Variants in DDHD1 observed in about 807,000 individuals in gnomAD.
DDHD1 encodes the protein DDHD domain containing 1.
DDHD1 carries 49 observed loss-of-function variants against 96.4 expected under a neutral mutation model. That is an observed-to-expected ratio of 0.51 (90% CI 0.40 to 0.64). The LOEUF (loss-of-function observed/expected upper bound fraction) is 0.64. Ranked by LOEUF, DDHD1 falls within the 30% of genes least tolerant of loss-of-function variation. The pLI is 0.00. For missense variants in DDHD1, 1,106 were observed against 1,161.2 expected (o/e 0.95, Z 0.69); for synonymous variants, 442 against 446.5 (o/e 0.99, Z 0.13).
At chr14:53,077,293 T>C (rs959510883) in intron 4 of DDHD1, among the ~76,000 whole-genome samples, 24 of 152,204 alleles carry the variant, frequency 1.6e-4, no homozygotes, top group African/African-American at 5.8e-4. Flanking sequence ...TAGTTTATCA[T>C]GGTGGCAAAA....
At chr14:53,110,875 C>A (rs1368215009) in intron 1 of DDHD1, among the ~76,000 whole-genome samples, 1 of 152,120 alleles carries the variant, frequency 6.6e-6, no homozygotes, top group African/African-American at 2.4e-5. Flanking sequence ...ACTCAGGAGG[C>A]TGAGGCAGAA....
chr14:53,117,374 G>A (rs1364897982), intron 1 of DDHD1, among the ~76,000 whole-genome samples: 1 of 152,190 alleles, frequency 6.6e-6, no homozygotes, highest in Admixed American at 6.5e-5. Context: ...AGGGTCAGGG[G>A]ATTTCCCTTT....
At chr14:53,147,058 C>T (rs1218937068) in intron 1 of DDHD1, among the ~76,000 whole-genome samples, 1 of 151,944 alleles carries the variant, frequency 6.6e-6, no homozygotes. Flanking sequence ...TTCCCAATCT[C>T]TTTTGCCAAT....
chr14:53,104,057 A>G lies in DDHD1; in HGVS notation c.839-201T>C, dbSNP rs10134722. The stretch of plus-strand genomic sequence containing the variant: ...TCTGTTGCCCAGGATAGAGTGCAGT[A>G]GTGTGACCACAGCTCACTGCAGCCT... On this transcript the variant is annotated intron_variant, in intron 1 of 12. Transcript: ENST00000673822. 0.044 allele frequency among the ~76,000 whole-genome samples: 6,658 copies of G among 152,226 alleles called. 525 individuals are homozygous for G. The highest frequency in any genetic ancestry group is 0.15 in the African/African-American group (6,216 of 41,490).
intron 10 of DDHD1, among the ~76,000 whole-genome samples, chr14:53,055,423 T>A (rs748634991): frequency 2.6e-5 from 4 of 152,234 alleles, no homozygotes; most frequent in Non-Finnish European, 5.9e-5. Flanking sequence ...TTGATTCTCA[T>A]AACAGCTTTT....
intron 1 of DDHD1, among the ~76,000 whole-genome samples, chr14:53,134,620 ACT>A (rs1890099992): frequency 6.6e-6 from 1 of 150,494 alleles, no homozygotes; most frequent in African/African-American, 2.4e-5. Context: ...AAAAGAGCAG[ACT>A]CTATATTTTT....
chr14:53,113,134 AT>A lies in DDHD1; in HGVS notation c.839-9279del, dbSNP rs78231425. 2.9e-3 allele frequency among the ~76,000 whole-genome samples: 413 copies of A among 140,986 alleles called. 2 individuals are homozygous for A. Among genetic ancestry groups the A allele is most frequent in the East Asian group, 0.024 (117 of 4,868 alleles). 92.5% of individuals were successfully genotyped at this position (140,986 alleles called of 152,430 possible). ...ACCACCACACCTGGCTAACTTTTCT[AT>A]TTTTTTTTTTTAGTAGTTTCAGGGT... On this transcript the variant is annotated intron_variant, in intron 1 of 12. Coordinates refer to ENST00000673822, the MANE Select transcript of DDHD1 (RefSeq NM_001160148.2).
chr14:53,074,436 C>T (rs1441550152), intron 4 of DDHD1, among the ~76,000 whole-genome samples: 1 of 151,578 alleles, frequency 6.6e-6, no homozygotes, highest in Non-Finnish European at 1.5e-5. Context: ...AAAAGCAAAT[C>T]CTAGATATTG....
At chr14:53,099,831 G>A (rs958037706) in intron 2 of DDHD1, among the ~76,000 whole-genome samples, 2 of 152,074 alleles carry the variant, frequency 1.3e-5, no homozygotes, top group Non-Finnish European at 2.9e-5. Flanking sequence ...CTCTCACAGA[G>A]AACTAAATTT....
At chr14:53,090,077 A>G (rs916570070) in intron 4 of DDHD1, among the ~76,000 whole-genome samples, 3 of 152,242 alleles carry the variant, frequency 2.0e-5, no homozygotes, top group Non-Finnish European at 4.4e-5. Flanking sequence ...ATGAAGAGAC[A>G]CTTCTCAAAA....
chr14:53,062,979 C>T lies in DDHD1; in HGVS notation c.1730G>A (p.Arg577Gln), dbSNP rs772696105. 5.6e-6 allele frequency: 9 copies of T among 1,612,536 alleles called. No individual in the cohort carries two copies. The highest frequency in any genetic ancestry group is 5.5e-5 in the South Asian group (5 of 91,054). ...PDERWMSYEE[R>Q]HLLDELYITK... ...TATATAGAGTTCATCAAGAAGATGT[C>T]GTTCTTCATAGCTCATCCATCGTTC... The change falls in exon 7 of 13, where the codon CGA (arginine) becomes CAA (glutamine). Residue 577 changes from arginine (R) to glutamine (Q), a missense_variant. Physicochemically the swap from Arg to Gln is conservative, Grantham distance 43. This residue lies in a region of DDHD1 where 650 missense variants were observed against 758.8 expected (regional missense o/e 0.86). Transcript: ENST00000673822.
intron 4 of DDHD1, among the ~76,000 whole-genome samples, chr14:53,074,745 T>C (rs112033227): frequency 2.6e-5 from 4 of 152,166 alleles, no homozygotes; most frequent in African/African-American, 9.6e-5. Flanking sequence ...CCTGTTTTAC[T>C]GCATTCATTT....
intron 1 of DDHD1, among the ~76,000 whole-genome samples, chr14:53,143,704 T>C (rs1483219592): frequency 6.6e-6 from 1 of 152,248 alleles, no homozygotes. Context: ...GAACAGGCTA[T>C]GACTTAATGC....
intron 11 of DDHD1, chr14:53,052,952 T>C (rs1375554369): frequency 6.8e-6 from 1 of 147,192 alleles, no homozygotes; most frequent in Non-Finnish European, 1.5e-5. Flanking sequence ...GTTTCTCTAT[T>C]ATTTTGAAAT....
At chr14:53,131,065 A>G (rs1889829884) in intron 1 of DDHD1, among the ~76,000 whole-genome samples, 1 of 151,974 alleles carries the variant, frequency 6.6e-6, no homozygotes, top group Non-Finnish European at 1.5e-5. Flanking sequence ...AAACCTCTTA[A>G]AACTCCCCAA....
chr14:53,103,279 A>G (rs1178093703), intron 2 of DDHD1: 1 of 397,528 alleles, frequency 2.5e-6, no homozygotes, highest in Non-Finnish European at 4.4e-6. Flanking sequence ...ACACAAAGAT[A>G]ATTAAAGATT....
At chr14:53,114,322 C>G (rs754983997) in intron 1 of DDHD1, among the ~76,000 whole-genome samples, 1 of 152,216 alleles carries the variant, frequency 6.6e-6, no homozygotes, top group Admixed American at 6.5e-5. Context: ...TCCTGCCTGC[C>G]GACTCTGAAG....
chr14:53,055,940 AAC>A (rs775766088), intron 9 of DDHD1, 28 bp from the exon 10 acceptor site: 57 of 1,581,596 alleles, frequency 3.6e-5, no homozygotes, highest in Non-Finnish European at 4.3e-5. Flanking sequence ...AATTCAAAGA[AAC>A]ACAGTGTTAA....
At chr14:53,083,355 A>G (rs985156810) in intron 4 of DDHD1, among the ~76,000 whole-genome samples, 12 of 152,342 alleles carry the variant, frequency 7.9e-5, no homozygotes, top group Admixed American at 5.9e-4. Context: ...GCCAAGTTCT[A>G]TGAAGAGTTC....
Sources: allele counts gnomAD v4.1 joint callset (sites outside exome capture counted in the v4.1 genomes callset), GRCh38; gene constraint gnomAD v4.1.1; regional missense constraint gnomAD v4.1.1; transcripts MANE v1.5; gene names NCBI Gene and HGNC (gene_info 2026-07-23, HGNC 2026-07-21).